ERBB4: variants seen among roughly 807,000 people sequenced by gnomAD.
ERBB4 encodes receptor tyrosine-protein kinase erbB-4.
In ERBB4, 42 loss-of-function variants were observed where a neutral mutation model predicts 158.0. That is an observed-to-expected ratio of 0.27 (90% CI 0.21 to 0.34). The LOEUF (loss-of-function observed/expected upper bound fraction) is 0.34, where lower values mean the gene tolerates loss of function less well. ERBB4 is among the 10% of genes least tolerant of loss of function. The pLI is 1.00. For synonymous variants in ERBB4, 583 were observed against 558.7 expected (o/e 1.04, Z -0.61); for missense variants, 1,333 against 1,624.1 (o/e 0.82, Z 3.08).
intron 1 of ERBB4, among the ~76,000 whole-genome samples, chr2:212,360,402 C>A (rs1056081309): frequency 7.9e-5 from 12 of 151,580 alleles, no homozygotes; most frequent in African/African-American, 2.9e-4. Context: ...ATTTGCTAGC[C>A]CCATCTCTAC....
At position 212,285,805 on chromosome 2, in the gene ERBB4, G is replaced by A. The variant is rs561383512; in HGVS notation, c.83-160902C>T. Among the ~76,000 whole-genome samples, 155 of 152,180 alleles carry A rather than the reference G, an allele frequency of 1.0e-3. 1 individual carries two copies. Among genetic ancestry groups the A allele is most frequent in the South Asian group, 8.3e-4 (4 of 4,814 alleles). On this transcript the variant is annotated intron_variant, in intron 1 of 27. Coordinates refer to ENST00000342788, the MANE Select transcript of ERBB4 (RefSeq NM_005235.3). ...ACCTACAATATACAGCTTGGTATTC[G>A]AGTAGAATAGATTTTATATAACTCT...
At chr2:211,918,401 A>G (rs1280790930) in intron 3 of ERBB4, among the ~76,000 whole-genome samples, 2 of 152,108 alleles carry the variant, frequency 1.3e-5, no homozygotes, top group Non-Finnish European at 1.5e-5. Flanking sequence ...TTCAGTTTCC[A>G]TTAGAAACTG....
chr2:212,334,947 T>C (rs908064251), intron 1 of ERBB4, among the ~76,000 whole-genome samples: 1 of 151,950 alleles, frequency 6.6e-6, no homozygotes, highest in Non-Finnish European at 1.5e-5. Flanking sequence ...AGTTCCTAAG[T>C]AGATCACTAT....
chr2:211,668,815 A>G (rs1256918730), intron 14 of ERBB4, among the ~76,000 whole-genome samples: 1 of 152,146 alleles, frequency 6.6e-6, no homozygotes, highest in Non-Finnish European at 1.5e-5. Flanking sequence ...CTCTGGTGCC[A>G]TGACTCACAG....
intron 2 of ERBB4, among the ~76,000 whole-genome samples, chr2:212,123,919 G>T (rs769061195): frequency 1.3e-5 from 2 of 152,090 alleles, no homozygotes; most frequent in African/African-American, 2.4e-5. Flanking sequence ...CTGAAAACAA[G>T]ATCAAATGTA....
chr2:211,953,465 C>CA (rs36024345), intron 2 of ERBB4, among the ~76,000 whole-genome samples: 26,631 of 85,380 alleles, frequency 0.31, 3,283 homozygotes, highest in Admixed American at 0.42. Context: ...GGTTTTTCTC[C>CA]AAAAAAAAAA....
At chr2:211,819,124 T>C (rs2076938453) in intron 3 of ERBB4, among the ~76,000 whole-genome samples, 1 of 152,120 alleles carries the variant, frequency 6.6e-6, no homozygotes, top group Non-Finnish European at 1.5e-5. Flanking sequence ...TGTTTTCCTG[T>C]GGCAGAGAAT....
intron 14 of ERBB4, among the ~76,000 whole-genome samples, chr2:211,670,634 T>C (rs1818750): frequency 0.016 from 2,512 of 152,270 alleles, 27 homozygotes; most frequent in Non-Finnish European, 0.028. Context: ...AAGGTCTCAA[T>C]ACTACAGAAC....
At chr2:212,229,552 C>G (rs2083593899) in intron 1 of ERBB4, among the ~76,000 whole-genome samples, 1 of 152,094 alleles carries the variant, frequency 6.6e-6, no homozygotes, top group Non-Finnish European at 1.5e-5. Context: ...CCAGTGAAGT[C>G]AAAGAGGGTC....
At chr2:211,610,849 A>G (rs1447182975) in intron 19 of ERBB4, among the ~76,000 whole-genome samples, 1 of 152,162 alleles carries the variant, frequency 6.6e-6, no homozygotes, top group African/African-American at 2.4e-5. Context: ...AATTCAAGAA[A>G]TGCTTCGGAG....
chr2:212,363,155 A>G (rs554451885), intron 1 of ERBB4, among the ~76,000 whole-genome samples: 1 of 151,526 alleles, frequency 6.6e-6, no homozygotes, highest in South Asian at 2.1e-4. Context: ...ATGTTTTTGG[A>G]TAGTATAGCT....
intron 7 of ERBB4, among the ~76,000 whole-genome samples, chr2:211,720,957 A>G (rs1484161238): frequency 3.9e-5 from 6 of 152,292 alleles, no homozygotes; most frequent in Admixed American, 2.6e-4. Context: ...CAATATCTCA[A>G]CACCACAAAA....
chr2:212,327,728 C>CTTTTTTTTTTTT (rs11413473), intron 1 of ERBB4, among the ~76,000 whole-genome samples: 2 of 133,372 alleles, frequency 1.5e-5, no homozygotes, highest in Admixed American at 7.9e-5. Context: ...TTCTTTTTTT[C>CTTTTTTTTTTTT]TTTTTTTTTT....
chr2:211,491,908 T>C (rs141762244), intron 20 of ERBB4, among the ~76,000 whole-genome samples: 280 of 152,168 alleles, frequency 1.8e-3, no homozygotes, highest in African/African-American at 6.4e-3. Flanking sequence ...ATTCAAAGCT[T>C]GAGACAGGGA....
At chr2:211,675,677 T>G (rs897681435) in intron 13 of ERBB4, among the ~76,000 whole-genome samples, 1 of 150,672 alleles carries the variant, frequency 6.6e-6, no homozygotes, top group Non-Finnish European at 1.5e-5. Context: ...CAGCCAGTAA[T>G]TGACTGATTT....
chr2:212,382,878 T>C (rs1271227272), intron 1 of ERBB4, among the ~76,000 whole-genome samples: 1 of 151,288 alleles, frequency 6.6e-6, no homozygotes, highest in African/African-American at 2.4e-5. Flanking sequence ...ACATTTTATT[T>C]CCCAATACAT....
chr2:211,751,022 C>A (rs1194546311), intron 4 of ERBB4, among the ~76,000 whole-genome samples: 4 of 152,114 alleles, frequency 2.6e-5, no homozygotes. Context: ...CACTGTTCAG[C>A]ATTATTATTC....
chr2:212,242,125 T>G (rs1265265243), intron 1 of ERBB4, among the ~76,000 whole-genome samples: 2 of 151,860 alleles, frequency 1.3e-5, no homozygotes, highest in African/African-American at 4.8e-5. Flanking sequence ...TAACAAGATG[T>G]TTAGCCTAAA....
chr2:212,453,895 G>A (rs1396532788), intron 1 of ERBB4, among the ~76,000 whole-genome samples: 1 of 151,432 alleles, frequency 6.6e-6, no homozygotes, highest in East Asian at 1.9e-4. Flanking sequence ...CTGGGTGCAT[G>A]AATTGCAAAT....
Sources: gnomAD v4.1 joint callset for allele counts (sites outside exome capture counted in the v4.1 genomes callset) on GRCh38, gnomAD v4.1.1 for gene constraint, MANE v1.5 for transcripts, NCBI Gene and HGNC (gene_info 2026-07-23, HGNC 2026-07-21) for gene names.